The following MBD5 variants were observed in gnomAD, a reference collection of about 807,000 sequenced individuals.
MBD5 encodes methyl-CpG-binding domain protein 5.
MBD5 carries 13 observed loss-of-function variants against 117.3 expected under a neutral mutation model. The ratio of observed to expected loss-of-function variants is 0.11; its 90% CI spans 0.07 to 0.18. MBD5 has a LOEUF of 0.18. Ranked by LOEUF, MBD5 falls within the 10% of genes least tolerant of loss-of-function variation. The probability of loss-of-function intolerance (pLI) is 1.00; values close to 1 mark genes in which losing one functional copy is unlikely to be tolerated. For synonymous variants in MBD5, 727 were observed against 766.4 expected, an observed-to-expected ratio of 0.95 and a Z score of 0.85; for missense variants, 1,879 against 2,093.8, an observed-to-expected ratio of 0.90 and a Z score of 2.00.
chr2:148,421,742 G>GGAGAGAGGA (rs1485855238), intron 4 of MBD5, among the ~76,000 whole-genome samples: 2 of 152,170 alleles, frequency 1.3e-5, no homozygotes, highest in Non-Finnish European at 2.9e-5. Flanking sequence ...CGAGCTTGGT[G>GGAGAGAGGA]GAGAGAGGGG....
intron 1 of MBD5, among the ~76,000 whole-genome samples, chr2:148,067,711 T>C (rs1244505045): frequency 6.6e-6 from 1 of 152,194 alleles, no homozygotes; most frequent in African/African-American, 2.4e-5. Flanking sequence ...ATTCTCACCC[T>C]ACCCTCAGCC....
intron 4 of MBD5, among the ~76,000 whole-genome samples, chr2:148,437,354 T>C (rs1706184962): frequency 6.6e-6 from 1 of 152,112 alleles, no homozygotes; most frequent in African/African-American, 2.4e-5. Context: ...CCAAATCAAA[T>C]TATACAAGCA....
chr2:148,031,804 G>T (rs999520667), intron 1 of MBD5, among the ~76,000 whole-genome samples: 3 of 152,030 alleles, frequency 2.0e-5, no homozygotes, highest in Admixed American at 6.6e-5. Flanking sequence ...ACTAGCTAAG[G>T]TTCTTTTTTC....
intron 2 of MBD5, among the ~76,000 whole-genome samples, chr2:148,188,930 C>T (rs1332736993): frequency 3.3e-5 from 5 of 151,786 alleles, no homozygotes; most frequent in Non-Finnish European, 7.4e-5. Context: ...CAGGGCGAGA[C>T]ATTGCCTCAC....
intron 13 of MBD5, among the ~76,000 whole-genome samples, 195 bp from the exon 14 acceptor site, chr2:148,512,675 T>C (rs1414791853): frequency 6.6e-6 from 1 of 152,206 alleles, no homozygotes; most frequent in South Asian, 2.1e-4. Flanking sequence ...TTTCTAGCAT[T>C]CTGCATTCTC....
chr2:148,425,853 C>T (rs180722217), intron 4 of MBD5, among the ~76,000 whole-genome samples: 176 of 152,270 alleles, frequency 1.2e-3, no homozygotes, highest in African/African-American at 4.1e-3. Context: ...ATGCTAAAAA[C>T]TGTCAATAAA....
intron 1 of MBD5, among the ~76,000 whole-genome samples, chr2:148,034,878 T>C (rs1164675793): frequency 6.6e-6 from 1 of 152,224 alleles, no homozygotes; most frequent in Non-Finnish European, 1.5e-5. Context: ...TGATAAACAT[T>C]ATACCCTTTT....
intron 3 of MBD5, among the ~76,000 whole-genome samples, chr2:148,317,977 G>GCT (rs1702193537): frequency 2.6e-5 from 4 of 152,228 alleles, no homozygotes; most frequent in African/African-American, 9.6e-5. Context: ...ACTCAGTGGT[G>GCT]GAATTGCTAG....
rs1381126690 is a variant in MBD5, at chr2:148,490,611, C to T, written c.4962+17C>T. On this transcript the variant is annotated intron_variant, in intron 11 of 13. Coordinates refer to ENST00000642680, the MANE Select transcript of MBD5 (RefSeq NM_001378120.1). ...GAAGGGAAGGTATACCAATCTTTATCCATTGTCAAATACTAACCTTTGTTC... is the reference window on the plus strand; with the variant it reads ...GAAGGGAAGGTATACCAATCTTTATTCATTGTCAAATACTAACCTTTGTTC... 4 of 1,613,706 alleles carry T rather than the reference C, an allele frequency of 2.5e-6. No homozygotes were observed. The African/African-American group carries it at 4.0e-5, about 16-fold the overall frequency.
intron 1 of MBD5, among the ~76,000 whole-genome samples, chr2:148,135,848 C>T (rs546841652): frequency 1.3e-5 from 2 of 152,234 alleles, no homozygotes; most frequent in East Asian, 3.9e-4. Context: ...AGATAGACCT[C>T]CTAGGACCAC....
chr2:148,331,974 C>T (rs189973129), intron 3 of MBD5, among the ~76,000 whole-genome samples: 112 of 152,062 alleles, frequency 7.4e-4, no homozygotes, highest in Non-Finnish European at 1.4e-3. Context: ...AAAACAAAAT[C>T]TAGAAATAAA....
At chr2:148,068,509 A>G (rs1285925514) in intron 1 of MBD5, 1 of 152,180 alleles carries the variant, frequency 6.6e-6, no homozygotes, top group Non-Finnish European at 1.5e-5. Context: ...TTTCACAGTG[A>G]TGCTGTCTCT....
chr2:148,352,840 A>T (rs577166220), intron 4 of MBD5, among the ~76,000 whole-genome samples: 1 of 152,260 alleles, frequency 6.6e-6, no homozygotes, highest in Non-Finnish European at 1.5e-5. Flanking sequence ...GACCCTAATA[A>T]GGTATTGCCT....
Position 148,243,052 on chromosome 2 carries a change from GC to G in MBD5, c.-680+9660del, listed in dbSNP as rs1199086888. On this transcript the variant is annotated intron_variant, in intron 3 of 13. Transcript: ENST00000642680. ...CACATTTATGCCTTTTCAAATAGAAGCCCATCAATCACGTAAACTTAGGGCC... is the reference window on the plus strand; with the variant it reads ...CACATTTATGCCTTTTCAAATAGAAGCCATCAATCACGTAAACTTAGGGCC... Among the ~76,000 whole-genome samples the G allele has an allele frequency of 3.3e-5, 5 of 151,842 alleles. No homozygotes were observed. In the East Asian group the frequency reaches 9.7e-4, roughly 29 times the overall value.
intron 1 of MBD5, among the ~76,000 whole-genome samples, chr2:148,133,748 G>A (rs1432836775): frequency 2.0e-5 from 3 of 152,068 alleles, no homozygotes; most frequent in Non-Finnish European, 2.9e-5. Context: ...GCTTGAACCC[G>A]GGAGGTGGAG....
At chr2:148,110,866 T>G (rs1266180640) in intron 1 of MBD5, among the ~76,000 whole-genome samples, 3 of 152,060 alleles carry the variant, frequency 2.0e-5, no homozygotes, top group African/African-American at 7.2e-5. Flanking sequence ...TTTTATAAAT[T>G]TATGCTATTT....
chr2:148,506,969 T>C (rs1682052040), intron 12 of MBD5, among the ~76,000 whole-genome samples: 2 of 152,218 alleles, frequency 1.3e-5, no homozygotes, highest in Admixed American at 6.5e-5. Context: ...TCTGCAGATA[T>C]GACATCTGGG....
chr2:148,398,978 T>C (rs1253739880), intron 4 of MBD5, among the ~76,000 whole-genome samples: 41 of 151,654 alleles, frequency 2.7e-4, no homozygotes, highest in Admixed American at 4.6e-4. Flanking sequence ...TGTGGCATTA[T>C]TTCTGAGGGC....
In MBD5 at chr2:148,206,316, G is replaced by A. The variant is rs183038202; in HGVS notation, c.-830-26929G>A. The stretch of plus-strand genomic sequence containing the variant: ...GGAATCAGCCAAGAGAAAAATTAAT[G>A]TAAGTGGATTTTAAAAACATGTTTT... On this transcript the variant is annotated intron_variant, in intron 2 of 13. Coordinates refer to ENST00000642680, the MANE Select transcript of MBD5 (RefSeq NM_001378120.1). 1.4e-4 allele frequency among the ~76,000 whole-genome samples: 21 copies of A among 152,228 alleles called. No homozygotes were observed. In the South Asian group the frequency reaches 1.9e-3, roughly 14 times the overall value.
Sources: gnomAD v4.1 joint callset for allele counts (sites outside exome capture counted in the v4.1 genomes callset) on GRCh38, gnomAD v4.1.1 for gene constraint, MANE v1.5 for transcripts, NCBI Gene and HGNC (gene_info 2026-07-23, HGNC 2026-07-21) for gene names.